Variants in PBX1 observed in about 807,000 individuals in gnomAD.
The protein encoded by PBX1 is PBX homeobox 1.
Under a neutral mutation model 53.4 loss-of-function variants are expected in PBX1, and 6 were observed. The observed-to-expected ratio is 0.11, with a 90% CI of 0.06 to 0.22. PBX1 has a LOEUF of 0.22. Ranked by LOEUF, PBX1 falls within the 10% of genes least tolerant of loss-of-function variation. PBX1 has a pLI of 1.00. For missense variants in PBX1, 251 were observed against 551.4 expected (o/e 0.46, Z 5.46); for synonymous variants, 204 against 212.3 (o/e 0.96, Z 0.34).
rs533111914 is a variant in PBX1 at position 164,812,349 on chromosome 1, C to T, written c.997+200C>T. On this transcript the variant is annotated intron_variant, in intron 6 of 8. Transcript: ENST00000420696. ...GAGCAATCTGTTAGACTTTTTACAACGTGGGTTGTCTGGAGGTTTGCATTA... is the reference window on the plus strand; with the variant it reads ...GAGCAATCTGTTAGACTTTTTACAATGTGGGTTGTCTGGAGGTTTGCATTA... 3.9e-5 allele frequency among the ~76,000 whole-genome samples: 6 copies of T among 152,208 alleles called. No homozygotes were observed. The South Asian group carries it at 6.2e-4, about 16-fold the overall frequency.
intron 2 of PBX1, among the ~76,000 whole-genome samples, chr1:164,585,943 T>A (rs1281216687): frequency 6.6e-6 from 1 of 152,210 alleles, no homozygotes; most frequent in Non-Finnish European, 1.5e-5. Flanking sequence ...GAATAAGTAG[T>A]GCTTATGACA....
chr1:164,754,171 G>C (rs1666378806), intron 2 of PBX1, among the ~76,000 whole-genome samples: 1 of 152,092 alleles, frequency 6.6e-6, no homozygotes, highest in Non-Finnish European at 1.5e-5. Flanking sequence ...GTGTGTGGAC[G>C]GGAACTCAGA....
chr1:164,772,260 C>T (rs933662906), intron 2 of PBX1, among the ~76,000 whole-genome samples: 4 of 152,214 alleles, frequency 2.6e-5, no homozygotes, highest in African/African-American at 9.7e-5. Context: ...TGGGGTACAG[C>T]AGTGAAATTT....
intron 2 of PBX1, among the ~76,000 whole-genome samples, chr1:164,752,715 A>G (rs1488829799): frequency 6.6e-6 from 1 of 152,186 alleles, no homozygotes; most frequent in East Asian, 1.9e-4. Flanking sequence ...TTTATGGAAC[A>G]TGGAAGAATT....
intron 2 of PBX1, among the ~76,000 whole-genome samples, chr1:164,627,050 C>A (rs1770549): frequency 0.66 from 100,250 of 152,012 alleles, 33,360 homozygotes; most frequent in East Asian, 0.93. Context: ...TCCTGCATCT[C>A]CTTTTGGCTG....
intron 2 of PBX1, among the ~76,000 whole-genome samples, chr1:164,624,378 G>C (rs1307174496): frequency 6.6e-6 from 1 of 152,138 alleles, no homozygotes; most frequent in African/African-American, 2.4e-5. Flanking sequence ...TGATAGTATT[G>C]GTAGGAGTAA....
At chr1:164,589,006 C>T (rs1277408054) in intron 2 of PBX1, among the ~76,000 whole-genome samples, 4 of 152,140 alleles carry the variant, frequency 2.6e-5, no homozygotes, top group African/African-American at 9.7e-5. Context: ...CTCCCCAGCC[C>T]CCTCCCCGAT....
intron 2 of PBX1, among the ~76,000 whole-genome samples, chr1:164,763,015 G>T (rs1305903682): frequency 1.3e-5 from 2 of 152,134 alleles, no homozygotes; most frequent in African/African-American, 4.8e-5. Context: ...TTGATATCAT[G>T]ATAATTCTAA....
At chr1:164,777,151 A>C (rs1178560087) in intron 2 of PBX1, among the ~76,000 whole-genome samples, 2 of 152,136 alleles carry the variant, frequency 1.3e-5, no homozygotes, top group Non-Finnish European at 2.9e-5. Flanking sequence ...TAATCTCAGG[A>C]GGGACTGGGC....
chr1:164,767,461 G>A (rs543395176), intron 2 of PBX1, among the ~76,000 whole-genome samples: 54 of 152,188 alleles, frequency 3.5e-4, no homozygotes, highest in African/African-American at 1.3e-3. Flanking sequence ...TGCGGGGCCC[G>A]GAGAGGAGGA....
intron 2 of PBX1, among the ~76,000 whole-genome samples, chr1:164,776,978 A>AGAGAGAGAG (rs1553244687): frequency 6.5e-5 from 3 of 46,446 alleles, no homozygotes; most frequent in African/African-American, 1.2e-4. Flanking sequence ...AGAGAGAGAG[A>AGAGAGAGAG]GGAGGTGTGG....
At chr1:164,652,838 C>A (rs1000713512) in intron 2 of PBX1, among the ~76,000 whole-genome samples, 1 of 151,884 alleles carries the variant, frequency 6.6e-6, no homozygotes, top group African/African-American at 2.4e-5. Context: ...ACCACCCGCA[C>A]CCCCACCGCC....
At chr1:164,701,575 A>G (rs978592485) in intron 2 of PBX1, among the ~76,000 whole-genome samples, 1 of 152,184 alleles carries the variant, frequency 6.6e-6, no homozygotes, top group Non-Finnish European at 1.5e-5. Flanking sequence ...TGCCTGTGGT[A>G]CTTACGTCAC....
intron 2 of PBX1, among the ~76,000 whole-genome samples, chr1:164,716,739 CG>C (rs1553234825): frequency 4.5e-5 from 6 of 134,646 alleles, no homozygotes; most frequent in South Asian, 3.0e-4. Flanking sequence ...CAGAAATACA[CG>C]AAGAGAAGAA....
intron 2 of PBX1, among the ~76,000 whole-genome samples, chr1:164,717,567 T>C (rs1238427072): frequency 6.6e-6 from 1 of 152,024 alleles, no homozygotes; most frequent in Non-Finnish European, 1.5e-5. Context: ...ATGGTCGGAG[T>C]ATGCATTTCA....
intron 2 of PBX1, among the ~76,000 whole-genome samples, chr1:164,729,552 C>T (rs963231675): frequency 6.6e-6 from 1 of 152,140 alleles, no homozygotes; most frequent in African/African-American, 2.4e-5. Flanking sequence ...GCATTTACTA[C>T]AGGTATATGC....
chr1:164,792,462 ATTAACGCTCCC>A, intron 2 of PBX1, 21 bp from the exon 3 acceptor site: 1 of 1,611,988 alleles, frequency 6.2e-7, no homozygotes. Context: ...TTGGGTTACT[ATTAACGCTCCC>A]TTCCCTGTCT....
intron 2 of PBX1, among the ~76,000 whole-genome samples, chr1:164,630,564 G>A (rs181988968): frequency 6.6e-6 from 1 of 152,124 alleles, no homozygotes; most frequent in African/African-American, 2.4e-5. Context: ...CATGCACTAG[G>A]TTCCTACCAA....
At chr1:164,566,935 T>A (rs1020073776) in intron 2 of PBX1, among the ~76,000 whole-genome samples, 1 of 152,174 alleles carries the variant, frequency 6.6e-6, no homozygotes, top group Admixed American at 6.5e-5. Flanking sequence ...AAAAAATTTA[T>A]TTTTTGCTCC....
Sources: gnomAD v4.1 joint callset for allele counts (sites outside exome capture counted in the v4.1 genomes callset) on GRCh38, gnomAD v4.1.1 for gene constraint, MANE v1.5 for transcripts, NCBI Gene and HGNC (gene_info 2026-07-23, HGNC 2026-07-21) for gene names.